Variants in ZNF609 observed in about 807,000 individuals in gnomAD.
ZNF609 encodes zinc finger protein 609.
ZNF609 carries 11 observed loss-of-function variants against 109.5 expected under a neutral mutation model. The observed-to-expected ratio is 0.10, with a 90% confidence interval of 0.06 to 0.17. ZNF609 has a LOEUF of 0.17. ZNF609 is among the 10% of genes least tolerant of loss of function. The pLI is 1.00. For missense variants in ZNF609, 1,559 were observed against 1,772.4 expected (o/e 0.88, Z 2.16); for synonymous variants, 646 against 662.0 (o/e 0.98, Z 0.37).
intron 2 of ZNF609, among the ~76,000 whole-genome samples, chr15:64,612,526 C>A (rs533637152): frequency 6.6e-6 from 1 of 151,868 alleles, no homozygotes; most frequent in East Asian, 1.9e-4. Context: ...TTCCTCCTTG[C>A]CTCCTGCTAT....
intron 1 of ZNF609, among the ~76,000 whole-genome samples, chr15:64,475,031 T>G (rs144550081): frequency 3.4e-4 from 52 of 151,184 alleles, no homozygotes; most frequent in African/African-American, 1.3e-3. Flanking sequence ...TGGGCTCAAG[T>G]GACCTCCTAC....
chr15:64,461,630 T>A (rs931675757), intron 1 of ZNF609, among the ~76,000 whole-genome samples: 1 of 152,158 alleles, frequency 6.6e-6, no homozygotes, highest in Non-Finnish European at 1.5e-5. Context: ...CATTTCAGCT[T>A]CGAGGAATTA....
At chr15:64,575,964 C>A (rs921771130) in intron 2 of ZNF609, among the ~76,000 whole-genome samples, 1 of 151,910 alleles carries the variant, frequency 6.6e-6, no homozygotes, top group East Asian at 1.9e-4. Context: ...TAGTCAGGCG[C>A]GGTGGCGGGC....
At chr15:64,514,583 A>T (rs1371180917) in intron 2 of ZNF609, among the ~76,000 whole-genome samples, 5 of 151,138 alleles carry the variant, frequency 3.3e-5, no homozygotes, top group Non-Finnish European at 7.4e-5. Context: ...CCTTTGAGGT[A>T]TACCTTTCAC....
chr15:64,520,928 CTGATT>C (rs1893882294), intron 2 of ZNF609, among the ~76,000 whole-genome samples: 1 of 152,200 alleles, frequency 6.6e-6, no homozygotes, highest in Non-Finnish European at 1.5e-5. Flanking sequence ...AGAGGCTCAC[CTGATT>C]TTCGTCACTT....
intron 5 of ZNF609, among the ~76,000 whole-genome samples, chr15:64,677,335 T>G (rs1007629080): frequency 1.3e-5 from 2 of 152,200 alleles, no homozygotes; most frequent in African/African-American, 4.8e-5. Flanking sequence ...AGCACAGGGA[T>G]TCATATTAAT....
At chr15:64,569,700 G>A (rs1253555116) in intron 2 of ZNF609, among the ~76,000 whole-genome samples, 3 of 152,220 alleles carry the variant, frequency 2.0e-5, no homozygotes, top group Non-Finnish European at 4.4e-5. Context: ...TCTTGTCTTA[G>A]CACTTCTCCT....
chr15:64,520,488 G>A (rs1893876746), intron 2 of ZNF609, among the ~76,000 whole-genome samples: 1 of 152,168 alleles, frequency 6.6e-6, no homozygotes, highest in Non-Finnish European at 1.5e-5. Flanking sequence ...TGTTGTGAAT[G>A]TTGTTTCCGT....
intron 4 of ZNF609, among the ~76,000 whole-genome samples, chr15:64,673,687 G>T (rs1353900635): frequency 1.3e-5 from 2 of 152,176 alleles, no homozygotes; most frequent in Non-Finnish European, 2.9e-5. Flanking sequence ...CTATCTTACG[G>T]AACAGATTCT....
At chr15:64,636,558 T>C (rs145924453) in intron 3 of ZNF609, among the ~76,000 whole-genome samples, 10 of 152,276 alleles carry the variant, frequency 6.6e-5, no homozygotes, top group Non-Finnish European at 1.3e-4. Flanking sequence ...GAAAATTTTC[T>C]AGATCATTCA....
At chr15:64,617,482 C>A (rs1244984938) in intron 2 of ZNF609, among the ~76,000 whole-genome samples, 2 of 150,970 alleles carry the variant, frequency 1.3e-5, no homozygotes, top group East Asian at 2.0e-4. Context: ...CAGAGCGAGA[C>A]CCTGTCTCAA....
chr15:64,488,159 C>G (rs189171274), intron 1 of ZNF609, among the ~76,000 whole-genome samples: 11 of 152,114 alleles, frequency 7.2e-5, no homozygotes, highest in Admixed American at 6.6e-4. Context: ...TAAACTTTCC[C>G]TTAGATTCTT....
At position 64,652,869 on chromosome 15, in the gene ZNF609, T is replaced by C. The variant is rs550995125; in HGVS notation, c.974-17477T>C. The C allele has an allele frequency of 3.3e-5, 5 of 153,160 alleles. No individual in the cohort carries two copies. In the East Asian group the frequency reaches 9.6e-4, roughly 30 times the overall value. 9.5% of individuals were successfully genotyped at this position (153,160 alleles called of 1,614,324 possible). On this transcript the variant is annotated intron_variant, in intron 3 of 9. Transcript: ENST00000326648. Reference sequence around the variant, plus strand: ...TTTTCTATCATTATGCCATATTACCTAAGATACTGCAAGTCTGGGGCTGGT... The same window carrying C: ...TTTTCTATCATTATGCCATATTACCCAAGATACTGCAAGTCTGGGGCTGGT...
intron 3 of ZNF609, chr15:64,643,933 C>CA (rs201937847): frequency 5.5e-4 from 82 of 149,694 alleles, no homozygotes; most frequent in Middle Eastern, 3.4e-3. Flanking sequence ...CCTTCTCTAT[C>CA]AAAAAAAAAA....
At chr15:64,605,003 T>A (rs1237063909) in intron 2 of ZNF609, among the ~76,000 whole-genome samples, 1 of 151,990 alleles carries the variant, frequency 6.6e-6, no homozygotes, top group East Asian at 1.9e-4. Flanking sequence ...GGCTAATTTT[T>A]TGTATTTTCA....
In ZNF609 at chr15:64,685,165, T is replaced by A. The variant is rs966779394; in HGVS notation, c.*3479T>A. On this transcript the variant is annotated 3_prime_UTR_variant, in exon 10 of 10. Coordinates refer to ENST00000326648, the MANE Select transcript of ZNF609 (RefSeq NM_015042.2). ...GTACATTACCAAGTTCCTTGTTTTT[T>A]TATATATATATATAAATATATATAT... 117 of 150,364 alleles carry A rather than the reference T, an allele frequency of 7.8e-4. No individual in the cohort carries two copies. Among genetic ancestry groups the A allele is most frequent in the Admixed American group, 7.3e-4 (11 of 15,006 alleles). The allele number at this position is 150,364 out of a possible 1,614,324, so 9.3% of individuals were successfully genotyped here.
At chr15:64,537,607 C>G (rs999015936) in intron 2 of ZNF609, among the ~76,000 whole-genome samples, 8 of 151,686 alleles carry the variant, frequency 5.3e-5, no homozygotes, top group African/African-American at 1.5e-4. Context: ...AATGTGATAG[C>G]TTATCTAACA....
At chr15:64,565,202 G>A (rs889792643) in intron 2 of ZNF609, among the ~76,000 whole-genome samples, 1 of 135,534 alleles carries the variant, frequency 7.4e-6, no homozygotes, top group African/African-American at 3.2e-5. Context: ...TGGGACTACA[G>A]GCAGGTGCCA....
rs1451585860 is a variant in ZNF609, at chr15:64,678,247, C to T, written c.3534C>T (p.Val1178=). 2 of 1,614,024 alleles carry T rather than the reference C, an allele frequency of 1.2e-6. No homozygotes were observed. The highest frequency in any genetic ancestry group is 1.3e-5 in the African/African-American group (1 of 74,904). ...KEERSRSKDS[V]PKEDGKESTS... The stretch of plus-strand genomic sequence containing the variant: ...AAAGGAGTCGGAGTAAGGACTCTGT[C>T]CCCAAGGAAGATGGGAAGGAAAGCA... Residue 1178 remains valine (V), a synonymous_variant, in exon 6 of 10, where the codon GTC becomes GTT. Coordinates refer to ENST00000326648, the MANE Select transcript of ZNF609 (RefSeq NM_015042.2).
Sources: allele counts gnomAD v4.1 joint callset (sites outside exome capture counted in the v4.1 genomes callset), GRCh38; gene constraint gnomAD v4.1.1; transcripts MANE v1.5; gene names NCBI Gene and HGNC (gene_info 2026-07-23, HGNC 2026-07-21).